The following ERAP1 variants were observed in gnomAD, a reference collection of about 807,000 sequenced individuals.
ERAP1 encodes endoplasmic reticulum aminopeptidase 1.
Under a neutral mutation model 103.7 loss-of-function variants are expected in ERAP1, and 86 were observed. That is an observed-to-expected ratio of 0.83 (90% confidence interval 0.70 to 0.99). ERAP1 has a LOEUF of 0.99. Among genes scored for constraint, ERAP1 ranks in the 50% least tolerant of loss-of-function variants. The probability of loss-of-function intolerance (pLI) is 0.00; values close to 1 mark genes in which losing one functional copy is unlikely to be tolerated. For synonymous variants in ERAP1, 398 were observed against 402.4 expected (o/e 0.99, Z 0.13); for missense variants, 1,009 against 1,128.4 (o/e 0.89, Z 1.52).
At chr5:96,910,988 A>T in the ERAP1 span, among the ~76,000 whole-genome samples, 3 of 152,238 alleles carry the variant, frequency 2.0e-5, no homozygotes, top group Non-Finnish European at 2.9e-5. Context: ...AAATACACTA[A>T]AATGAAAACA....
the ERAP1 span, chr5:96,873,233 A>G: frequency 2.5e-6 from 1 of 393,516 alleles, no homozygotes; most frequent in African/African-American, 2.1e-5. Flanking sequence ...AAATATTTTG[A>G]CAATAAAGTC....
the ERAP1 span, among the ~76,000 whole-genome samples, chr5:96,815,468 A>G: frequency 6.8e-6 from 1 of 147,432 alleles, no homozygotes; most frequent in Admixed American, 6.9e-5. Context: ...CTGGAGTGCA[A>G]TGGTGTGATC....
chr5:96,921,161 G>A, the ERAP1 span, among the ~76,000 whole-genome samples: 2 of 152,218 alleles, frequency 1.3e-5, no homozygotes, highest in African/African-American at 2.4e-5. Flanking sequence ...ACTCTCGAAG[G>A]CATAAAAACA....
At chr5:96,933,847 T>C in the ERAP1 span, among the ~76,000 whole-genome samples, 2 of 152,352 alleles carry the variant, frequency 1.3e-5, no homozygotes, top group East Asian at 1.9e-4. Flanking sequence ...TACTATATAA[T>C]ATCTGAACTG....
At chr5:96,903,394 G>A in the ERAP1 span, 2 of 1,612,746 alleles carry the variant, frequency 1.2e-6, no homozygotes, top group Non-Finnish European at 1.7e-6. Flanking sequence ...GGATCTACCT[G>A]AAAAGACCAG....
At chr5:96,848,514 A>C in the ERAP1 span, among the ~76,000 whole-genome samples, 1 of 152,238 alleles carries the variant, frequency 6.6e-6, no homozygotes, top group Non-Finnish European at 1.5e-5. Context: ...ACAATTGTAC[A>C]CCAACAAATT....
intron 19 of ERAP1, among the ~76,000 whole-genome samples, chr5:96,766,614 A>G (rs913082585): frequency 8.5e-5 from 13 of 152,198 alleles, no homozygotes; most frequent in Admixed American, 8.5e-4. Flanking sequence ...GAAGACAGGC[A>G]AAGCAATATT....
chr5:96,858,204 C>G, the ERAP1 span, among the ~76,000 whole-genome samples: 1 of 151,316 alleles, frequency 6.6e-6, no homozygotes, highest in South Asian at 2.1e-4. Context: ...TTCTTCTCCT[C>G]CTTGTTCTTC....
In ERAP1 at chr5:96,793,580, A is replaced by C; in HGVS notation, c.1075-67T>G. 3.1e-6 allele frequency: 4 copies of C among 1,281,094 alleles called. No individual in the cohort carries two copies. In the Middle Eastern group the frequency reaches 7.5e-4, roughly 239 times the overall value. The allele number at this position is 1,281,094 out of a possible 1,614,324, so 79.4% of individuals were successfully genotyped here. A position where few individuals can be genotyped will look rare whatever the true frequency, so the allele number is the denominator to read the frequency against. ...GAAGTATATTTTAGATGTCCAATAT[A>C]AGTTTATGAATGTTAACATATATTT... On this transcript the variant is annotated intron_variant, in intron 6 of 18. Coordinates refer to ENST00000443439, the MANE Select transcript of ERAP1 (RefSeq NM_001040458.3).
At chr5:96,847,594 T>A in the ERAP1 span, among the ~76,000 whole-genome samples, 2 of 152,186 alleles carry the variant, frequency 1.3e-5, no homozygotes, top group African/African-American at 4.8e-5. Flanking sequence ...CATAATAAAT[T>A]CAAAAAGATA....
chr5:96,775,949 G>C lies in ERAP1; in HGVS notation c.*447C>G, dbSNP rs1317535201. 9.6e-7 allele frequency: 1 copy of C among 1,041,726 alleles called. No homozygotes were observed. The highest frequency in any genetic ancestry group is 3.2e-5 in the South Asian group (1 of 31,066). 64.5% of individuals were successfully genotyped at this position (1,041,726 alleles called of 1,614,324 possible). On this transcript the variant is annotated 3_prime_UTR_variant, in exon 19 of 19. Transcript: ENST00000443439. ...AGGGATGGGCAGCGGGTCTGGAGGG[G>C]TGAGCCGGGAGAGCTTTAACCCAGT...
At chr5:96,900,191 T>C in the ERAP1 span, 1 of 1,613,712 alleles carries the variant, frequency 6.2e-7, no homozygotes. Flanking sequence ...AGTAACATGG[T>C]AAGGATAAAG....
At position 96,793,526 on chromosome 5, in the gene ERAP1, C is replaced by T; in HGVS notation, c.1075-13G>A. The T allele has an allele frequency of 6.3e-7, 1 of 1,580,720 alleles. No individual in the cohort carries two copies. ...GGTTCCCAAACCACTAAAAGCACAACATAAGCCATAAACAAAGACACTCAG... is the reference window on the plus strand; with the variant it reads ...GGTTCCCAAACCACTAAAAGCACAATATAAGCCATAAACAAAGACACTCAG... On this transcript the variant is annotated splice_polypyrimidine_tract_variant and intron_variant, in intron 6 of 18. Transcript: ENST00000443439.
downstream of ERAP1, chr5:96,773,963 C>T (rs949681247): frequency 6.6e-6 from 1 of 152,204 alleles, no homozygotes; most frequent in Non-Finnish European, 1.5e-5. Flanking sequence ...TAACCTCCCC[C>T]CCAAATACTC....
the ERAP1 span, among the ~76,000 whole-genome samples, chr5:96,895,029 C>CA: frequency 6.8e-5 from 10 of 147,172 alleles, no homozygotes; most frequent in East Asian, 2.0e-4. Flanking sequence ...TGAGAACACA[C>CA]AAAAAAAAGA....
chr5:96,881,523 T>C, the ERAP1 span: 1 of 453,938 alleles, frequency 2.2e-6, no homozygotes, highest in African/African-American at 2.0e-5. Context: ...TTATGTGAAT[T>C]GTGTTCAATT....
At chr5:96,907,979 A>G in the ERAP1 span, among the ~76,000 whole-genome samples, 7 of 152,306 alleles carry the variant, frequency 4.6e-5, no homozygotes, top group East Asian at 1.9e-4. Context: ...AAAAATTTCC[A>G]TAAGTCTGTT....
At position 96,795,156 on chromosome 5, in the gene ERAP1, C is replaced by T. The variant is rs576554860; in HGVS notation, c.805G>A (p.Val269Ile). ...KITKSGVKVS[V>I]YAVPDKINQA... The stretch of plus-strand genomic sequence containing the variant: ...TTTATCTTGTCTGGCACAGCATAAA[C>T]AGAAACCTAAAGAGAAAGGCACAGA... Residue 269 changes from valine (V) to isoleucine (I), a missense_variant, in exon 5 of 19, where the codon GTT becomes ATT. Around this residue, in one of 3 missense-constraint regions of ERAP1, gnomAD observed 392 missense variants for 455.2 expected, o/e 0.86. Transcript: ENST00000443439. 3.1e-6 allele frequency: 5 copies of T among 1,613,572 alleles called. No individual in the cohort carries two copies. The South Asian group carries it at 3.3e-5, about 11-fold the overall frequency.
chr5:96,896,587 G>A, the ERAP1 span: 1 of 1,488,526 alleles, frequency 6.7e-7, no homozygotes, highest in Non-Finnish European at 9.1e-7. Flanking sequence ...AGTCACTGGT[G>A]CCAGTTCCTG....
Sources: gnomAD v4.1 joint callset for allele counts (sites outside exome capture counted in the v4.1 genomes callset) on GRCh38, gnomAD v4.1.1 for gene constraint, gnomAD v4.1.1 regional missense constraint, MANE v1.5 for transcripts, NCBI Gene and HGNC (gene_info 2026-07-23, HGNC 2026-07-21) for gene names.